The following PIP5K1A variants were observed in gnomAD, a reference collection of about 807,000 sequenced individuals.
PIP5K1A encodes the protein phosphatidylinositol 4-phosphate 5-kinase type-1 alpha.
A neutral mutation model predicts 72.9 loss-of-function variants in PIP5K1A; 46 were observed. The ratio of observed to expected loss-of-function variants is 0.63; its 90% CI spans 0.50 to 0.81. The LOEUF (loss-of-function observed/expected upper bound fraction) is 0.81. Among genes scored for constraint, PIP5K1A ranks in the 30% least tolerant of loss-of-function variants. The pLI, the probability that PIP5K1A is intolerant of heterozygous loss-of-function variation, is 0.00. For synonymous variants in PIP5K1A, 228 were observed against 255.1 expected (o/e 0.89, Z 1.01); for missense variants, 458 against 706.1 (o/e 0.65, Z 3.98).
chr1:151,243,983 C>G (rs1430787194), intron 14 of PIP5K1A, among the ~76,000 whole-genome samples: 1 of 152,026 alleles, frequency 6.6e-6, no homozygotes, highest in Non-Finnish European at 1.5e-5. Flanking sequence ...TCCGTATCCA[C>G]AGGTTCCACA....
chr1:151,212,112 A>C (rs1156384175), intron 1 of PIP5K1A, among the ~76,000 whole-genome samples: 1 of 142,856 alleles, frequency 7.0e-6, no homozygotes, highest in Non-Finnish European at 1.5e-5. Flanking sequence ...ACTCCGTCTC[A>C]AAAAAAAAAA....
chr1:151,238,511 G>T (rs1172832546), intron 10 of PIP5K1A: 4 of 464,824 alleles, frequency 8.6e-6, no homozygotes, highest in Non-Finnish European at 1.6e-5. Flanking sequence ...AGCTGAGTCA[G>T]TCCTTGGAAG....
chr1:151,226,630 T>G (rs1372975987), intron 3 of PIP5K1A, among the ~76,000 whole-genome samples: 1 of 151,410 alleles, frequency 6.6e-6, no homozygotes, highest in Non-Finnish European at 1.5e-5. Flanking sequence ...GGAGAATCGC[T>G]TGAACCCGGG....
At position 151,208,719 on chromosome 1, in the gene PIP5K1A, C is replaced by CTTTTTTTTTTTT. The variant is rs61545057; in HGVS notation, c.85+9657_85+9668dup. On this transcript the variant is annotated intron_variant, in intron 1 of 15. Transcript: ENST00000368888. ...TTATTAAGGATGTTGTAATGGTACG[C>CTTTTTTTTTTTT]TTTTTTTTTTTTTTTTTTTTTTTTT... 1.9e-4 allele frequency among the ~76,000 whole-genome samples: 8 copies of CTTTTTTTTTTTT among 43,122 alleles called. 2 individuals carry two copies. The highest frequency in any genetic ancestry group is 2.4e-4 in the African/African-American group (3 of 12,466). The allele number at this position is 43,122 out of a possible 152,430, so 28.3% of individuals were successfully genotyped here. A position where few individuals can be genotyped will look rare whatever the true frequency, so the allele number is the denominator to read the frequency against.
At chr1:151,218,963 CTCT>C (rs1249243518) in intron 1 of PIP5K1A, among the ~76,000 whole-genome samples, 1 of 152,054 alleles carries the variant, frequency 6.6e-6, no homozygotes. Flanking sequence ...ATTCCTTAAC[CTCT>C]TCTTCTGTGT....
At chr1:151,220,138 T>G (rs1688212175) in intron 1 of PIP5K1A, among the ~76,000 whole-genome samples, 1 of 151,744 alleles carries the variant, frequency 6.6e-6, no homozygotes, top group African/African-American at 2.4e-5. Context: ...CCCGAGTAGC[T>G]GGGATTACAG....
Position 151,236,821 on chromosome 1 carries a change from CTTTTTTT to C in PIP5K1A, c.1145+74_1145+80del, listed in dbSNP as rs369523470. The C allele has an allele frequency of 3.0e-5, 15 of 498,878 alleles. No homozygotes were observed. In the East Asian group the frequency reaches 3.3e-4, roughly 11 times the overall value. The allele number at this position is 498,878 out of a possible 1,614,324, so 30.9% of individuals were successfully genotyped here. On this transcript the variant is annotated intron_variant, in intron 9 of 15. Coordinates refer to ENST00000368888, the MANE Select transcript of PIP5K1A (RefSeq NM_001135638.2). ...CATAGGCCCACAGCACTTTTCTTTT[CTTTTTTT>C]TTTTTTTTTTTTTTTAGTTTCACTC...
At chr1:151,230,129 T>C (rs947144566) in intron 4 of PIP5K1A, among the ~76,000 whole-genome samples, 1 of 152,050 alleles carries the variant, frequency 6.6e-6, no homozygotes, top group Non-Finnish European at 1.5e-5. Flanking sequence ...TTATTGCCCA[T>C]TGAGGACCAA....
rs760608008 is a variant in PIP5K1A, at chr1:151,242,284, TG to T, written c.1510+19del. On this transcript the variant is annotated intron_variant, in intron 13 of 15. Coordinates refer to ENST00000368888, the MANE Select transcript of PIP5K1A (RefSeq NM_001135638.2). ...AGTGGAGCCAGGTCAGCGCTAGGGCTGGGGTCCCCATGTGATTGGGTACTCC... is the reference window on the plus strand; with the variant it reads ...AGTGGAGCCAGGTCAGCGCTAGGGCTGGGTCCCCATGTGATTGGGTACTCC... 1 of 1,613,970 alleles carries T rather than the reference TG, an allele frequency of 6.2e-7. No homozygotes were observed. The highest frequency in any genetic ancestry group is 1.7e-5 in the Admixed American group (1 of 60,008).
At chr1:151,209,422 C>T (rs939998313) in intron 1 of PIP5K1A, among the ~76,000 whole-genome samples, 1 of 150,634 alleles carries the variant, frequency 6.6e-6, no homozygotes, top group Non-Finnish European at 1.5e-5. Flanking sequence ...AGGCGCGTGC[C>T]ACCATGCCTG....
intron 15 of PIP5K1A, 91 bp downstream of exon 15, chr1:151,247,056 T>G (rs878985445): frequency 2.7e-6 from 2 of 732,586 alleles, no homozygotes; most frequent in Non-Finnish European, 4.5e-6. Flanking sequence ...TTGTCAAGAT[T>G]AGAGGATCTG....
At chr1:151,203,568 G>A (rs1338593422) in intron 1 of PIP5K1A, among the ~76,000 whole-genome samples, 2 of 150,656 alleles carry the variant, frequency 1.3e-5, no homozygotes, top group Admixed American at 6.6e-5. Context: ...GCTCACGCCT[G>A]TAATCCCAGC....
intron 7 of PIP5K1A, 54 bp downstream of exon 7, chr1:151,232,757 G>T (rs755652981): frequency 2.0e-6 from 3 of 1,518,692 alleles, no homozygotes; most frequent in Non-Finnish European, 2.7e-6. Context: ...GGGCAAGGCT[G>T]GGGAGGCTGT....
intron 4 of PIP5K1A, among the ~76,000 whole-genome samples, chr1:151,230,100 A>C (rs587700989): frequency 3.9e-5 from 6 of 152,280 alleles, no homozygotes; most frequent in African/African-American, 9.6e-5. Flanking sequence ...GAAAAAAAAA[A>C]CAAAAAACTA....
intron 1 of PIP5K1A, among the ~76,000 whole-genome samples, chr1:151,209,459 G>T (rs1243679304): frequency 7.4e-6 from 1 of 135,594 alleles, no homozygotes; most frequent in African/African-American, 2.7e-5. Flanking sequence ...TTTTTTTTGA[G>T]ATGGAGTTTT....
chr1:151,237,288 AT>A (rs1323820843), intron 9 of PIP5K1A, among the ~76,000 whole-genome samples: 2 of 152,206 alleles, frequency 1.3e-5, no homozygotes, highest in Admixed American at 6.5e-5. Context: ...GGTTTATAGT[AT>A]ATGTGGGAAG....
At chr1:151,238,387 CTACT>C (rs1691185641) in intron 10 of PIP5K1A, 122 bp downstream of exon 10, 3 of 701,788 alleles carry the variant, frequency 4.3e-6, no homozygotes, top group African/African-American at 1.8e-5. Flanking sequence ...TGCAGTCTGG[CTACT>C]TACTTCATTA....
In PIP5K1A at chr1:151,242,418, C is replaced by T. The variant is rs1691877706; in HGVS notation, c.1511-20C>T. On this transcript the variant is annotated intron_variant, in intron 13 of 15. Transcript: ENST00000368888. ...TTTCCTTGTATTTACTGTACCCCAT[C>T]TTCTCTATCTTTTTTCCAGGCGTTC... The T allele has an allele frequency of 1.2e-6, 2 of 1,613,626 alleles. No homozygotes were observed. The highest frequency in any genetic ancestry group is 2.7e-5 in the African/African-American group (2 of 74,856).
intron 14 of PIP5K1A, among the ~76,000 whole-genome samples, chr1:151,245,857 T>A (rs1692427446): frequency 6.6e-6 from 1 of 152,126 alleles, no homozygotes; most frequent in African/African-American, 2.4e-5. Context: ...ATTTTAGATT[T>A]TTGTTATAGC....
Sources: gnomAD v4.1 joint callset for allele counts (sites outside exome capture counted in the v4.1 genomes callset) on GRCh38, gnomAD v4.1.1 for gene constraint, MANE v1.5 for transcripts, NCBI Gene and HGNC (gene_info 2026-07-23, HGNC 2026-07-21) for gene names.